PPIP5K2: variants seen among roughly 807,000 people sequenced by gnomAD.
PPIP5K2 encodes inositol hexakisphosphate and diphosphoinositol-pentakisphosphate kinase 2.
Under a neutral mutation model 154.6 loss-of-function variants are expected in PPIP5K2, and 105 were observed. That is an observed-to-expected ratio of 0.68 (90% CI 0.58 to 0.80). The LOEUF (loss-of-function observed/expected upper bound fraction) is 0.80, where lower values mean the gene tolerates loss of function less well. Among genes scored for constraint, PPIP5K2 ranks in the 30% least tolerant of loss-of-function variants. PPIP5K2 has a pLI of 0.00. For synonymous variants in PPIP5K2, 480 were observed against 490.3 expected (o/e 0.98, Z 0.28); for missense variants, 992 against 1,504.6 (o/e 0.66, Z 5.64).
intron 17 of PPIP5K2, among the ~76,000 whole-genome samples, chr5:103,163,902 CCTTTA>C (rs1554216936): frequency 6.6e-6 from 1 of 151,708 alleles, no homozygotes; most frequent in African/African-American, 2.4e-5. Flanking sequence ...GTCAGATTGG[CCTTTA>C]CTTTTTTATT....
chr5:103,128,520 C>T (rs1790095136), intron 1 of PPIP5K2, among the ~76,000 whole-genome samples: 3 of 152,232 alleles, frequency 2.0e-5, no homozygotes, highest in Non-Finnish European at 4.4e-5. Context: ...CATCCTCCCA[C>T]CTTAGCCTCC....
At chr5:103,145,638 G>C (rs1454146579) in intron 5 of PPIP5K2, among the ~76,000 whole-genome samples, 2 of 151,974 alleles carry the variant, frequency 1.3e-5, no homozygotes, top group East Asian at 3.9e-4. Context: ...AGCCAGGCAA[G>C]AAAGAAAGAT....
chr5:103,133,592 A>G lies in PPIP5K2; in HGVS notation c.254A>G (p.Asn85Ser), dbSNP rs1554203342. 1 of 1,612,394 alleles carries G rather than the reference A, an allele frequency of 6.2e-7. No homozygotes were observed. Among genetic ancestry groups the G allele is most frequent in the Non-Finnish European group, 8.5e-7 (1 of 1,179,384 alleles). Residue 85 changes from asparagine (N) to serine (S), a missense_variant, in exon 3 of 31, where the codon AAT becomes AGT. This residue lies in a region of PPIP5K2 where 153 missense variants were observed against 200.4 expected (regional missense o/e 0.76). Transcript: ENST00000358359. ...GTATTTGAAGAGGAGGTTATTTTGA[A>G]TGAACCAGTGGAAAACTGGCCTTTA... Reference protein sequence around the residue: ...VVVFEEEVILNEPVENWPLCD... With the variant: ...VVVFEEEVILSEPVENWPLCD...
chr5:103,173,139 T>C lies in PPIP5K2; in HGVS notation c.2287-16T>C, dbSNP rs781861112. On this transcript the variant is annotated splice_polypyrimidine_tract_variant and intron_variant, in intron 19 of 30. Coordinates refer to ENST00000358359, the MANE Select transcript of PPIP5K2 (RefSeq NM_001276277.3). ...TCATTATATCCTTTTTCTAATGTCA[T>C]GTATTTTTTGCTCAGGAATATGGTA... is the stretch of plus-strand genomic sequence containing the variant. The C allele has an allele frequency of 5.7e-6, 9 of 1,573,584 alleles. No homozygotes were observed. The highest frequency in any genetic ancestry group is 1.4e-5 in the African/African-American group (1 of 72,376).
At position 103,190,947 on chromosome 5, in the gene PPIP5K2, C is replaced by T. The variant is rs782634631; in HGVS notation, c.3458C>T (p.Pro1153Leu). ...GAATTTCTTGCTTCCATTGCTTCTC[C>T]ATCATCTGACGTTCCACGGAAGACC... Reference protein sequence around the residue: ...VDEFLASIASPSSDVPRKTAE... With the variant: ...VDEFLASIASLSSDVPRKTAE... Residue 1153 changes from proline to leucine, a missense_variant, in exon 29 of 31, where the codon CCA (proline) becomes CTA (leucine). By Grantham distance (98) the Pro-to-Leu change is moderately conservative. Coordinates refer to ENST00000358359, the MANE Select transcript of PPIP5K2 (RefSeq NM_001276277.3). 1.2e-6 allele frequency: 2 copies of T among 1,609,766 alleles called. No individual in the cohort carries two copies. The highest frequency in any genetic ancestry group is 2.2e-5 in the South Asian group (2 of 90,134).
Position 103,177,692 on chromosome 5 carries a change from G to A in PPIP5K2, c.2555G>A (p.Arg852Gln), listed in dbSNP as rs1554221392. 1.2e-6 allele frequency: 2 copies of A among 1,609,910 alleles called. No homozygotes were observed. Among genetic ancestry groups the A allele is most frequent in the Middle Eastern group, 1.8e-4 (1 of 5,578 alleles). The change falls in exon 22 of 31, where the codon CGA becomes CAA. Residue 852 changes from arginine (R) to glutamine (Q), a missense_variant. Around this residue, in one of 9 missense-constraint regions of PPIP5K2, gnomAD observed 157 missense variants for 281.2 expected, o/e 0.56. Transcript: ENST00000358359. ...CNESKDEQWKRAMDYLNVVNE... is the reference protein window; with the variant it reads ...CNESKDEQWKQAMDYLNVVNE... ...GAATCAAAGGATGAACAGTGGAAAC[G>A]AGCTATGGATTATTTAAACGTTGTC...
intron 1 of PPIP5K2, 63 bp downstream of exon 1, chr5:103,120,551 GGCT>G: frequency 2.2e-6 from 1 of 456,152 alleles, no homozygotes; most frequent in Non-Finnish European, 4.4e-6. Flanking sequence ...GGGTTGAGGC[GGCT>G]GCTGGGCTTC....
Position 103,205,502 on chromosome 5 carries a change from C to G in PPIP5K2, c.*3868C>G, listed in dbSNP as rs1452680156. ...ACATCCTCTCCAGCATCTGTTGTTT[C>G]CTGACTTTTCAATGATCGCCATTCT... On this transcript the variant is annotated 3_prime_UTR_variant, in exon 31 of 31. Transcript: ENST00000358359. 6.6e-6 allele frequency: 1 copy of G among 152,156 alleles called. No homozygotes were observed. The highest frequency in any genetic ancestry group is 1.5e-5 in the Non-Finnish European group (1 of 68,024). The allele number at this position is 152,156 out of a possible 1,614,324, so 9.4% of individuals were successfully genotyped here.
chr5:103,149,341 C>A, intron 8 of PPIP5K2, 28 bp downstream of exon 8: 1 of 1,550,880 alleles, frequency 6.4e-7, no homozygotes, highest in Admixed American at 2.0e-5. Flanking sequence ...CCTATAGATC[C>A]TTATAAAGGT....
In PPIP5K2 at chr5:103,210,706, G is replaced by T. The variant is rs573671657; in HGVS notation, c.*9072G>T. The T allele has an allele frequency of 6.6e-6, 1 of 152,148 alleles. No individual in the cohort carries two copies. Among genetic ancestry groups the T allele is most frequent in the East Asian group, 1.9e-4 (1 of 5,176 alleles). 9.4% of individuals were successfully genotyped at this position (152,148 alleles called of 1,614,324 possible). ...CTGATTCCCATTATCATGCTCTGTT[G>T]TTCCCTGGATGCTCTTTTGAGGAAT... On this transcript the variant is annotated 3_prime_UTR_variant, in exon 31 of 31. Coordinates refer to ENST00000358359, the MANE Select transcript of PPIP5K2 (RefSeq NM_001276277.3).
At chr5:103,168,371 G>A (rs1797457407) in intron 19 of PPIP5K2, 76 bp downstream of exon 19, 1 of 1,202,988 alleles carries the variant, frequency 8.3e-7, no homozygotes, top group South Asian at 1.4e-5. Context: ...GGATAAAAAG[G>A]TAGTTGGTTT....
rs972993628 is a variant in PPIP5K2, at chr5:103,205,892, C to T, written c.*4258C>T. On this transcript the variant is annotated 3_prime_UTR_variant, in exon 31 of 31. Transcript: ENST00000358359. ...CATTTGCCTGATATTCATCTTTTTACTTTTTGGTATTTGTGTCACTTTGTT... is the reference window on the plus strand; with the variant it reads ...CATTTGCCTGATATTCATCTTTTTATTTTTTGGTATTTGTGTCACTTTGTT... 1 of 151,910 alleles carries T rather than the reference C, an allele frequency of 6.6e-6. No individual in the cohort carries two copies. Among genetic ancestry groups the T allele is most frequent in the Admixed American group, 6.6e-5 (1 of 15,236 alleles). The allele number at this position is 151,910 out of a possible 1,614,324, so 9.4% of individuals were successfully genotyped here. A position where few individuals can be genotyped will look rare whatever the true frequency, so the allele number is the denominator to read the frequency against.
At chr5:103,145,601 A>T (rs933836872) in intron 5 of PPIP5K2, among the ~76,000 whole-genome samples, 1 of 152,044 alleles carries the variant, frequency 6.6e-6, no homozygotes, top group Non-Finnish European at 1.5e-5. Context: ...CATGGATGGA[A>T]CTGGAGGTCT....
chr5:103,201,426 C>A, intron 30 of PPIP5K2, 96 bp from the exon 31 acceptor site: 2 of 687,440 alleles, frequency 2.9e-6, no homozygotes, highest in Non-Finnish European at 4.8e-6. Flanking sequence ...ACAATTATAA[C>A]AAGAATTGTT....
rs370974561 is a variant in PPIP5K2 at position 103,139,846 on chromosome 5, C to G, written c.487+1377C>G. 3.9e-5 allele frequency among the ~76,000 whole-genome samples: 6 copies of G among 152,232 alleles called. No individual in the cohort carries two copies. The East Asian group carries it at 1.2e-3, about 29-fold the overall frequency. ...ACAAGGAGATTGAAATAATTCAAAA[C>G]AAGCCAAAATTCTGGAACTGAAAAA... On this transcript the variant is annotated intron_variant, in intron 5 of 30. Coordinates refer to ENST00000358359, the MANE Select transcript of PPIP5K2 (RefSeq NM_001276277.3).
At chr5:103,125,821 CG>C in intron 1 of PPIP5K2, among the ~76,000 whole-genome samples, 1 of 152,070 alleles carries the variant, frequency 6.6e-6, no homozygotes, top group Admixed American at 6.6e-5. Flanking sequence ...TTAGCAGAGA[CG>C]GGGTTTCACC....
rs115929370 is a variant in PPIP5K2, at chr5:103,187,925, G to A, written c.3352+549G>A. Among the ~76,000 whole-genome samples, 980 of 152,216 alleles carry A rather than the reference G, an allele frequency of 6.4e-3. 6 individuals are homozygous for A. The highest frequency in any genetic ancestry group is 0.011 in the Non-Finnish European group (718 of 68,004). ...AAAGCAAAACCCTGTTCGGTCTGGA[G>A]CACTCTGAAAACTTTGTCCAGCATT... On this transcript the variant is annotated intron_variant, in intron 28 of 30. Coordinates refer to ENST00000358359, the MANE Select transcript of PPIP5K2 (RefSeq NM_001276277.3).
At position 103,207,250 on chromosome 5, in the gene PPIP5K2, A is replaced by G. The variant is rs535808135; in HGVS notation, c.*5616A>G. Reference sequence around the variant, plus strand: ...CACACATCAGACTTTGGCCTGGAACATATCTCCTCACCCTAAATGCCAGCA... The same window carrying G: ...CACACATCAGACTTTGGCCTGGAACGTATCTCCTCACCCTAAATGCCAGCA... On this transcript the variant is annotated 3_prime_UTR_variant, in exon 31 of 31. Coordinates refer to ENST00000358359, the MANE Select transcript of PPIP5K2 (RefSeq NM_001276277.3). 6.6e-6 allele frequency: 1 copy of G among 152,344 alleles called. No homozygotes were observed. The highest frequency in any genetic ancestry group is 1.5e-5 in the Non-Finnish European group (1 of 68,044). 9.4% of individuals were successfully genotyped at this position (152,344 alleles called of 1,614,324 possible). A position where few individuals can be genotyped will look rare whatever the true frequency, so the allele number is the denominator to read the frequency against.
intron 8 of PPIP5K2, among the ~76,000 whole-genome samples, chr5:103,150,843 CTTTTTT>C (rs377739666): frequency 2.9e-5 from 2 of 68,064 alleles, no homozygotes. Flanking sequence ...GTCCATCCTC[CTTTTTT>C]TTTTTTTTTT....
Sources: gnomAD v4.1 joint callset for allele counts (sites outside exome capture counted in the v4.1 genomes callset) on GRCh38, gnomAD v4.1.1 for gene constraint, gnomAD v4.1.1 regional missense constraint, MANE v1.5 for transcripts, NCBI Gene and HGNC (gene_info 2026-07-23, HGNC 2026-07-21) for gene names.